The following SIDT2 variants were observed in gnomAD, a reference collection of about 807,000 sequenced individuals.
SIDT2 encodes SID1 transmembrane family, member 2.
Under a neutral mutation model 114.4 loss-of-function variants are expected in SIDT2, and 68 were observed. That is an observed-to-expected ratio of 0.59 (90% confidence interval 0.49 to 0.73). The LOEUF (loss-of-function observed/expected upper bound fraction) is 0.73, where lower values mean the gene tolerates loss of function less well. SIDT2 is among the 30% of genes least tolerant of loss of function. The probability of loss-of-function intolerance (pLI) is 0.00; values close to 1 mark genes in which losing one functional copy is unlikely to be tolerated. For missense variants in SIDT2, 918 were observed against 1,097.1 expected (o/e 0.84, Z 2.31); for synonymous variants, 470 against 438.4 (o/e 1.07, Z -0.90).
At chr11:117,182,876 C>G in intron 6 of SIDT2, 70 bp downstream of exon 6, 1 of 1,496,264 alleles carries the variant, frequency 6.7e-7, no homozygotes, top group Non-Finnish European at 9.0e-7. Context: ...CAAACTTGAG[C>G]TCTTCTTCCT....
Position 117,192,373 on chromosome 11 carries a change from G to C in SIDT2, c.1981+11G>C. The stretch of plus-strand genomic sequence containing the variant: ...GCCGGTGGAAACTGGGTAAGGGCAC[G>C]CCCGGGGCAGGGCCTGGGGGAGGGG... On this transcript the variant is annotated intron_variant, in intron 20 of 25. Transcript: ENST00000324225. This position sits in a 1 kb window ranked among gnomAD's most constrained non-coding sequence, Gnocchi z 5.9. 6.5e-7 allele frequency: 1 copy of C among 1,545,406 alleles called. No individual in the cohort carries two copies. The highest frequency in any genetic ancestry group is 8.9e-7 in the Non-Finnish European group (1 of 1,118,742).
At position 117,179,401 on chromosome 11, in the gene SIDT2, G is replaced by C. The variant is rs774874825; in HGVS notation, c.138G>C (p.Glu46Asp). 5 of 1,614,014 alleles carry C rather than the reference G, an allele frequency of 3.1e-6. No individual in the cohort carries two copies. The East Asian group carries it at 1.1e-4, about 36-fold the overall frequency. The stretch of plus-strand genomic sequence containing the variant: ...CCTACGTGGACGAGGTCAACAGCGA[G>C]CTGGTCAACATCTACACCTTCAACC... ...ERTYVDEVNS[E>D]LVNIYTFNHT... Residue 46 changes from glutamate to aspartate, a missense_variant, in exon 1 of 26, where the codon GAG becomes GAC. Transcript: ENST00000324225.
intron 24 of SIDT2, 124 bp downstream of exon 24, chr11:117,194,087 C>T (rs2030802283): frequency 1.4e-6 from 1 of 718,634 alleles, no homozygotes. Flanking sequence ...AGGAGGATCA[C>T]TTGAGGCGTT....
rs1233230563 is a variant in SIDT2 at position 117,182,821 on chromosome 11, T to C, written c.702+15T>C. Reference sequence around the variant, plus strand: ...TCACCGTACAGGTAGGAAATGCATGTGGCCACGTGGGAGGTGTGGCTGGGC... The same window carrying C: ...TCACCGTACAGGTAGGAAATGCATGCGGCCACGTGGGAGGTGTGGCTGGGC... On this transcript the variant is annotated intron_variant, in intron 6 of 25. Transcript: ENST00000324225. 1 of 1,611,008 alleles carries C rather than the reference T, an allele frequency of 6.2e-7. No homozygotes were observed. The highest frequency in any genetic ancestry group is 1.1e-5 in the South Asian group (1 of 90,600).
rs1455226382 is a variant in SIDT2 at position 117,181,489 on chromosome 11, A to G, written c.257A>G (p.Gln86Arg). 3 of 1,613,868 alleles carry G rather than the reference A, an allele frequency of 1.9e-6. No individual in the cohort carries two copies. Among genetic ancestry groups the G allele is most frequent in the Non-Finnish European group, 2.5e-6 (3 of 1,179,958 alleles). ...KGAPLLFVVR[Q>R]KEAVVSFQVP... ...GCGCCGTTGCTGTTTGTGGTCCGCCAGAAGGAGGCTGTGGTGTCCTTCCAG... is the reference window on the plus strand; with the variant it reads ...GCGCCGTTGCTGTTTGTGGTCCGCCGGAAGGAGGCTGTGGTGTCCTTCCAG... The change falls in exon 2 of 26, where the codon CAG (glutamine) becomes CGG (arginine). Residue 86 changes from glutamine (Q) to arginine (R), a missense_variant. Around this residue, in one of 4 missense-constraint regions of SIDT2, gnomAD observed 553 missense variants for 600.1 expected, o/e 0.92. Coordinates refer to ENST00000324225, the MANE Select transcript of SIDT2 (RefSeq NM_001040455.2).
At chr11:117,191,726 C>A in intron 18 of SIDT2, 152 bp from the exon 19 acceptor site, 3 of 1,036,610 alleles carry the variant, frequency 2.9e-6, no homozygotes, top group Non-Finnish European at 2.8e-6. Context: ...AACTAAGGAA[C>A]TGAAGTTCAA....
In SIDT2 at chr11:117,188,956, A is replaced by G; in HGVS notation, c.1278+130A>G. On this transcript the variant is annotated intron_variant, in intron 13 of 25. Transcript: ENST00000324225. This position sits in a 1 kb window ranked among gnomAD's most constrained non-coding sequence, Gnocchi z 4.0. ...GGAAGGGGCTCAGCTGGGGCAGGGC[A>G]GATGCCGGGGAAACTAACCTGACCT... 9.3e-7 allele frequency: 1 copy of G among 1,074,520 alleles called. No individual in the cohort carries two copies. The highest frequency in any genetic ancestry group is 1.4e-6 in the Non-Finnish European group (1 of 701,976). 66.6% of individuals were successfully genotyped at this position (1,074,520 alleles called of 1,614,324 possible).
chr11:117,183,912 G>A (rs2030396493), intron 7 of SIDT2, 34 bp downstream of exon 7: 1 of 1,560,420 alleles, frequency 6.4e-7, no homozygotes, highest in Non-Finnish European at 8.8e-7. Flanking sequence ...GCTAGGGATG[G>A]GGAGGTCTTG....
Position 117,183,847 on chromosome 11 carries a change from G to C in SIDT2, c.771G>C (p.Gly257=). The change falls in exon 7 of 26, where the codon GGG becomes GGC. Residue 257 remains glycine, a synonymous_variant. Coordinates refer to ENST00000324225, the MANE Select transcript of SIDT2 (RefSeq NM_001040455.2). ...TGAAGACCGAAGACCAAGCCTGCGG[G>C]GGCTCCCTGCCTTTCTACCCCTTCG... ...VVVKTEDQAC[G]GSLPFYPFAE... is the part of the protein sequence containing the mutation. 1 of 1,613,960 alleles carries C rather than the reference G, an allele frequency of 6.2e-7. No individual in the cohort carries two copies. Among genetic ancestry groups the C allele is most frequent in the Non-Finnish European group, 8.5e-7 (1 of 1,179,908 alleles).
intron 8 of SIDT2, chr11:117,185,828 C>T (rs761180966): frequency 1.8e-5 from 5 of 283,980 alleles, no homozygotes; most frequent in South Asian, 3.9e-5. Flanking sequence ...GAGCTATGAT[C>T]GTGCCACTGC....
chr11:117,187,356 A>G, intron 10 of SIDT2, 22 bp from the exon 11 acceptor site: 3 of 1,611,530 alleles, frequency 1.9e-6, no homozygotes, highest in Non-Finnish European at 2.5e-6. Flanking sequence ...CAGTGCTAAC[A>G]GACCTTGACT....
Position 117,189,327 on chromosome 11 carries a change from C to T in SIDT2, c.1353-8C>T, listed in dbSNP as rs936281525. The T allele has an allele frequency of 1.2e-6, 2 of 1,614,130 alleles. No homozygotes were observed. The highest frequency in any genetic ancestry group is 1.7e-6 in the Non-Finnish European group (2 of 1,180,038). ...CACCCACCTCACTGCCGCCCTCCTG[C>T]TCCGCAGGAACATTGCCACCATTGC... On this transcript the variant is annotated splice_polypyrimidine_tract_variant and splice_region_variant and intron_variant, in intron 14 of 25. Coordinates refer to ENST00000324225, the MANE Select transcript of SIDT2 (RefSeq NM_001040455.2).
chr11:117,186,744 G>A lies in SIDT2; in HGVS notation c.1015+108G>A, dbSNP rs574395595. 179 of 1,115,362 alleles carry A rather than the reference G, an allele frequency of 1.6e-4. 1 individual carries two copies. The South Asian group carries it at 2.6e-3, about 16-fold the overall frequency. 69.1% of individuals were successfully genotyped at this position (1,115,362 alleles called of 1,614,324 possible). A position where few individuals can be genotyped will look rare whatever the true frequency, so the allele number is the denominator to read the frequency against. Reference sequence around the variant, plus strand: ...GGAGGAGGAAGGGCTGGGGGTTTCTGGATGTTCAGATGGGGGTAACACTCC... The same window carrying A: ...GGAGGAGGAAGGGCTGGGGGTTTCTAGATGTTCAGATGGGGGTAACACTCC... On this transcript the variant is annotated intron_variant, in intron 10 of 25. Transcript: ENST00000324225.
intron 8 of SIDT2, 45 bp downstream of exon 8, chr11:117,184,184 G>T (rs1252311017): frequency 5.1e-6 from 8 of 1,583,440 alleles, no homozygotes; most frequent in Non-Finnish European, 6.9e-6. Flanking sequence ...AGCCTCTCTG[G>T]CTCCTGCTTT....
At chr11:117,189,644 G>A (rs1220922368) in intron 15 of SIDT2, 3 of 604,732 alleles carry the variant, frequency 5.0e-6, no homozygotes, top group Non-Finnish European at 8.8e-6. Flanking sequence ...TTCTTGTGCG[G>A]ATTATGAAAC....
Position 117,190,642 on chromosome 11 carries a change from A to C in SIDT2, c.1637A>C (p.His546Pro). The change falls in exon 18 of 26, where the codon CAC becomes CCC. Residue 546 changes from histidine (H) to proline (P), a missense_variant. His to Pro is a moderately conservative substitution (Grantham distance 77). Coordinates refer to ENST00000324225, the MANE Select transcript of SIDT2 (RefSeq NM_001040455.2). This position sits in a 1 kb window ranked among gnomAD's most constrained non-coding sequence, Gnocchi z 4.1. ...CAACAGGAATGTGGGATCCCCAAAC[A>C]CTTTGGGCTTTTCTACGCCATGGGC... ...LCALECGIPKHFGLFYAMGTA... is the reference protein window; with the variant it reads ...LCALECGIPKPFGLFYAMGTA... 6.3e-7 allele frequency: 1 copy of C among 1,592,926 alleles called. No individual in the cohort carries two copies. Among genetic ancestry groups the C allele is most frequent in the Non-Finnish European group, 8.6e-7 (1 of 1,168,556 alleles).
At position 117,179,182 on chromosome 11, in the gene SIDT2, C is replaced by T. The variant is rs1426125029; in HGVS notation, c.-82C>T. On this transcript the variant is annotated 5_prime_UTR_variant, in exon 1 of 26. Transcript: ENST00000324225. ...GAGATGCTGGAAGCTGCGGCCGCAG[C>T]CGCAACCCGTCCCGGAGGTGTCCTG... 2.9e-6 allele frequency: 4 copies of T among 1,400,588 alleles called. No individual in the cohort carries two copies. The Admixed American group carries it at 8.6e-5, about 30-fold the overall frequency. The allele number at this position is 1,400,588 out of a possible 1,614,324, so 86.8% of individuals were successfully genotyped here.
intron 10 of SIDT2, 59 bp from the exon 11 acceptor site, chr11:117,187,318 TC>T: frequency 6.6e-7 from 1 of 1,505,380 alleles, no homozygotes. Context: ...TTTGTTCTTC[TC>T]CCTGGCTCTA....
At position 117,192,314 on chromosome 11, in the gene SIDT2, A is replaced by G. The variant is rs752795471; in HGVS notation, c.1933A>G (p.Thr645Ala). The change falls in exon 20 of 26, where the codon ACC becomes GCC. Residue 645 changes from threonine (T) to alanine (A), a missense_variant. Thr to Ala is a moderately conservative substitution (Grantham distance 58). Transcript: ENST00000324225. The surrounding 1 kb of genome is among the most constrained non-coding windows in gnomAD (Gnocchi z 5.9). ...IVFSIIHIIA[T>A]LLLSTQLYYM... is the part of the protein sequence containing the mutation. ...CTTCTCCATCATTCACATCATCGCC[A>G]CCCTGCTCCTCAGCACGCAGCTCTA... The G allele has an allele frequency of 6.2e-7, 1 of 1,612,474 alleles. No individual in the cohort carries two copies. Among genetic ancestry groups the G allele is most frequent in the Non-Finnish European group, 8.5e-7 (1 of 1,178,838 alleles).
Sources: allele counts gnomAD v4.1 joint callset, GRCh38; gene constraint gnomAD v4.1.1; regional missense constraint gnomAD v4.1.1; non-coding constraint Gnocchi (gnomAD v3.1); transcripts MANE v1.5; gene names NCBI Gene and HGNC (gene_info 2026-07-23, HGNC 2026-07-21).